Variants in GRID2 observed in about 807,000 individuals in gnomAD.
The protein encoded by GRID2 is glutamate receptor ionotropic, delta-2.
GRID2 carries 33 observed loss-of-function variants against 114.8 expected under a neutral mutation model. That is an observed-to-expected ratio of 0.29 (90% CI 0.22 to 0.38). The LOEUF (loss-of-function observed/expected upper bound fraction) is 0.38, where lower values mean the gene tolerates loss of function less well. Among genes scored for constraint, GRID2 ranks in the 10% least tolerant of loss-of-function variants. The pLI is 1.00. For synonymous variants in GRID2, 505 were observed against 449.9 expected, an observed-to-expected ratio of 1.12 and a Z score of -1.55; for missense variants, 1,184 against 1,257.7, an observed-to-expected ratio of 0.94 and a Z score of 0.89.
At chr4:93,735,210 A>C (rs1730822591) in intron 14 of GRID2, among the ~76,000 whole-genome samples, 1 of 152,006 alleles carries the variant, frequency 6.6e-6, no homozygotes, top group Admixed American at 6.6e-5. Context: ...AACAAATGGA[A>C]TCAGTAAAAA....
At chr4:93,356,813 A>G (rs1207432706) in intron 8 of GRID2, among the ~76,000 whole-genome samples, 1 of 151,844 alleles carries the variant, frequency 6.6e-6, no homozygotes, top group African/African-American at 2.4e-5. Context: ...TTTGAGTAAT[A>G]TGGGGTCAAA....
At chr4:93,211,583 T>G (rs1396164127) in intron 5 of GRID2, among the ~76,000 whole-genome samples, 2 of 152,122 alleles carry the variant, frequency 1.3e-5, no homozygotes, top group Non-Finnish European at 2.9e-5. Flanking sequence ...CCTTCAAACT[T>G]AGGTTTTCTA....
intron 2 of GRID2, among the ~76,000 whole-genome samples, chr4:93,029,938 C>T (rs1724239822): frequency 6.6e-6 from 1 of 152,150 alleles, no homozygotes; most frequent in African/African-American, 2.4e-5. Context: ...AATAAAACTG[C>T]ATGAGGGCTA....
intron 13 of GRID2, among the ~76,000 whole-genome samples, chr4:93,599,618 A>C (rs909713717): frequency 6.6e-6 from 1 of 152,214 alleles, no homozygotes; most frequent in African/African-American, 2.4e-5. Context: ...ATACACACAG[A>C]AAAATGTTAT....
intron 8 of GRID2, among the ~76,000 whole-genome samples, chr4:93,310,575 G>T (rs1755907662): frequency 1.3e-5 from 2 of 152,102 alleles, no homozygotes; most frequent in South Asian, 4.1e-4. Context: ...AGAAAGATGA[G>T]CAGGTTTGTG....
chr4:92,736,244 G>A (rs1245364058), intron 2 of GRID2, among the ~76,000 whole-genome samples: 1 of 151,996 alleles, frequency 6.6e-6, no homozygotes, highest in Non-Finnish European at 1.5e-5. Flanking sequence ...GTTGGAGGTG[G>A]AGGAGGCCTG....
At chr4:92,748,084 G>T (rs925049714) in intron 2 of GRID2, among the ~76,000 whole-genome samples, 1 of 151,928 alleles carries the variant, frequency 6.6e-6, no homozygotes, top group South Asian at 2.1e-4. Context: ...ATCTTTTCTG[G>T]TCCTGCTCAG....
chr4:93,010,522 T>C (rs1722024287), intron 2 of GRID2, among the ~76,000 whole-genome samples: 1 of 152,090 alleles, frequency 6.6e-6, no homozygotes, highest in African/African-American at 2.4e-5. Context: ...CATCCCATCC[T>C]CCCAGCACTT....
At chr4:93,106,026 C>A (rs1421319045) in intron 3 of GRID2, among the ~76,000 whole-genome samples, 1 of 152,120 alleles carries the variant, frequency 6.6e-6, no homozygotes, top group African/African-American at 2.4e-5. Context: ...AAAACATCTT[C>A]CTCCTCCCCC....
At chr4:92,583,666 T>G (rs1006948463) in intron 1 of GRID2, among the ~76,000 whole-genome samples, 1 of 148,482 alleles carries the variant, frequency 6.7e-6, no homozygotes, top group Non-Finnish European at 1.5e-5. Context: ...TATATATATA[T>G]ATATACACAC....
chr4:93,129,688 A>G (rs1734617222), intron 4 of GRID2, among the ~76,000 whole-genome samples: 1 of 152,192 alleles, frequency 6.6e-6, no homozygotes, highest in South Asian at 2.1e-4. Flanking sequence ...TTCCCTTTAG[A>G]AAAGCTGATG....
At chr4:92,394,379 C>T (rs746667035) in intron 1 of GRID2, among the ~76,000 whole-genome samples, 2 of 151,882 alleles carry the variant, frequency 1.3e-5, no homozygotes, top group Non-Finnish European at 2.9e-5. Flanking sequence ...AAAACTTTAC[C>T]GTTCAATACA....
chr4:93,170,657 G>T (rs1325860559), intron 4 of GRID2, among the ~76,000 whole-genome samples: 1 of 152,118 alleles, frequency 6.6e-6, no homozygotes, highest in Non-Finnish European at 1.5e-5. Context: ...CTGTTTCTGT[G>T]TCATAAATCC....
chr4:92,441,526 G>A (rs1431178029), intron 1 of GRID2, among the ~76,000 whole-genome samples: 1 of 152,132 alleles, frequency 6.6e-6, no homozygotes, highest in East Asian at 1.9e-4. Flanking sequence ...ACCACGGGGT[G>A]GATAGGCAAA....
At chr4:92,948,128 C>T (rs1336636714) in intron 2 of GRID2, among the ~76,000 whole-genome samples, 1 of 151,794 alleles carries the variant, frequency 6.6e-6, no homozygotes, top group Admixed American at 6.6e-5. Context: ...CATTATACTC[C>T]TACCTGAGGT....
chr4:93,422,811 A>G lies in GRID2; in HGVS notation c.1388A>G (p.Lys463Arg), dbSNP rs1336972003. Residue 463 changes from lysine (K) to arginine (R), a missense_variant, in exon 10 of 16, where the codon AAG becomes AGG. Lys to Arg is a conservative substitution (Grantham distance 26). Transcript: ENST00000282020. ...FVMVSENVLG[K>R]PKKYQGFSID... ...ATGGTCTCTGAAAATGTCTTGGGTA[A>G]GCCGAAGAAATACCAGGGCTTCTCC... is the stretch of plus-strand genomic sequence containing the variant. The G allele has an allele frequency of 6.2e-7, 1 of 1,613,656 alleles. No individual in the cohort carries two copies. Among genetic ancestry groups the G allele is most frequent in the Non-Finnish European group, 8.5e-7 (1 of 1,179,712 alleles).
chr4:92,554,502 AG>A (rs112410885), intron 1 of GRID2, among the ~76,000 whole-genome samples: 28 of 152,318 alleles, frequency 1.8e-4, no homozygotes, highest in African/African-American at 5.8e-4. Flanking sequence ...AGTTTATGTC[AG>A]TGACATGAAA....
chr4:92,307,929 C>T (rs1381417071), intron 1 of GRID2, among the ~76,000 whole-genome samples: 1 of 152,142 alleles, frequency 6.6e-6, no homozygotes, highest in African/African-American at 2.4e-5. Flanking sequence ...ATCAGACCCA[C>T]ATTACTTGAT....
At position 93,075,883 on chromosome 4, in the gene GRID2, C is replaced by CTCTTTTTTTTT. The variant is rs1490779668; in HGVS notation, c.245-9111_245-9110insCTTTTTTTTTT. On this transcript the variant is annotated intron_variant, in intron 2 of 15. Transcript: ENST00000282020. ...GTATTGGGATGTCGAAGTTACCTCTCTTTTTTTTTTTTTTTTTTTTTTTTT... is the reference window on the plus strand; with the variant it reads ...GTATTGGGATGTCGAAGTTACCTCTCTCTTTTTTTTTTTTTTTTTTTTTTTTTTTTTTTTTT... Among the ~76,000 whole-genome samples the CTCTTTTTTTTT allele has an allele frequency of 1.6e-4, 12 of 76,610 alleles. 1 individual carries two copies. Among genetic ancestry groups the CTCTTTTTTTTT allele is most frequent in the African/African-American group, 4.3e-4 (8 of 18,778 alleles). The allele number at this position is 76,610 out of a possible 152,430, so 50.3% of individuals were successfully genotyped here. A position where few individuals can be genotyped will look rare whatever the true frequency, so the allele number is the denominator to read the frequency against.
Sources: allele counts gnomAD v4.1 joint callset (sites outside exome capture counted in the v4.1 genomes callset), GRCh38; gene constraint gnomAD v4.1.1; transcripts MANE v1.5; gene names NCBI Gene and HGNC (gene_info 2026-07-23, HGNC 2026-07-21).